DDAH1: variants seen among roughly 807,000 people sequenced by gnomAD.
DDAH1 encodes dimethylarginine dimethylaminohydrolase 1, also known as N(G),N(G)-dimethylarginine dimethylaminohydrolase 1.
Under a neutral mutation model 28.8 loss-of-function variants are expected in DDAH1, and 19 were observed. The observed-to-expected ratio is 0.66, with a 90% CI of 0.46 to 0.97. The LOEUF (loss-of-function observed/expected upper bound fraction) is 0.97. Among genes scored for constraint, DDAH1 ranks in the 50% least tolerant of loss-of-function variants. The probability of loss-of-function intolerance (pLI) is 0.00; values close to 1 mark genes in which losing one functional copy is unlikely to be tolerated. For synonymous variants in DDAH1, 153 were observed against 154.4 expected, an observed-to-expected ratio of 0.99 and a Z score of 0.07; for missense variants, 326 against 375.9, an observed-to-expected ratio of 0.87 and a Z score of 1.10.
intron 1 of DDAH1, among the ~76,000 whole-genome samples, chr1:85,361,950 A>G (rs1649816601): frequency 6.6e-6 from 1 of 152,234 alleles, no homozygotes; most frequent in Admixed American, 6.5e-5. Flanking sequence ...CTGAATAAAT[A>G]TTGTATTTTT....
intron 1 of DDAH1, among the ~76,000 whole-genome samples, chr1:85,417,604 A>G (rs1304114244): frequency 1.3e-5 from 2 of 152,234 alleles, no homozygotes; most frequent in African/African-American, 4.8e-5. Flanking sequence ...CTATCTCCTT[A>G]TAGGGAAATC....
chr1:85,351,513 G>A lies in DDAH1; in HGVS notation c.470C>T (p.Thr157Ile). Reference protein sequence around the residue: ...NQRGAEILADTFKDYAVSTVP... With the variant: ...NQRGAEILADIFKDYAVSTVP... ...AAACTACCTTTTACCTACCTTAAAA[G>A]TATCAGCCAAGATTTCAGCACCTCG... is the stretch of plus-strand genomic sequence containing the variant. Residue 157 changes from threonine (T) to isoleucine (I), a missense_variant, in exon 3 of 6, where the codon ACT becomes ATT. Transcript: ENST00000284031. 1 of 1,613,930 alleles carries A rather than the reference G, an allele frequency of 6.2e-7. No homozygotes were observed. The highest frequency in any genetic ancestry group is 2.2e-5 in the East Asian group (1 of 44,876).
chr1:85,566,519 AAAT>A (rs1659309163), intron 1 of DDAH1, among the ~76,000 whole-genome samples: 1 of 151,924 alleles, frequency 6.6e-6, no homozygotes, highest in Non-Finnish European at 1.5e-5. Flanking sequence ...AAAGAAAGAA[AAAT>A]AAAGTAGTAG....
intron 1 of DDAH1, among the ~76,000 whole-genome samples, chr1:85,386,360 G>A (rs1322224452): frequency 1.3e-5 from 2 of 152,188 alleles, no homozygotes; most frequent in Admixed American, 6.5e-5. Context: ...TTAACAGTCC[G>A]ATTCCAAAAG....
At chr1:85,408,738 T>A (rs1652519194) in intron 1 of DDAH1, among the ~76,000 whole-genome samples, 1 of 152,038 alleles carries the variant, frequency 6.6e-6, no homozygotes, top group Admixed American at 6.5e-5. Context: ...TTTAGCCTAT[T>A]TTTTTTAACT....
chr1:85,482,633 A>G (rs1488645452), intron 2 of DDAH1: 5 of 152,224 alleles, frequency 3.3e-5, no homozygotes, highest in African/African-American at 1.2e-4. Flanking sequence ...GTGCATGCTT[A>G]ACAGACATTG....
chr1:85,499,788 T>A (rs1278926182), intron 1 of DDAH1, among the ~76,000 whole-genome samples: 1 of 152,206 alleles, frequency 6.6e-6, no homozygotes, highest in East Asian at 1.9e-4. Context: ...ATTCCCAGAC[T>A]ATTGCAATGT....
intron 1 of DDAH1, among the ~76,000 whole-genome samples, chr1:85,552,297 A>C (rs1658818271): frequency 6.6e-6 from 1 of 152,136 alleles, no homozygotes; most frequent in Non-Finnish European, 1.5e-5. Context: ...TGCATCTTCC[A>C]CACTGCTATC....
intron 1 of DDAH1, among the ~76,000 whole-genome samples, chr1:85,371,616 A>G (rs1051896023): frequency 3.3e-5 from 5 of 152,214 alleles, no homozygotes; most frequent in Non-Finnish European, 7.3e-5. Flanking sequence ...AAGCAAATCA[A>G]TAGTGTAGGC....
At chr1:85,505,513 C>A (rs1261779463) in intron 1 of DDAH1, among the ~76,000 whole-genome samples, 3 of 152,088 alleles carry the variant, frequency 2.0e-5, no homozygotes, top group Admixed American at 6.5e-5. Context: ...CAGGTGCATA[C>A]AGTACTGATA....
chr1:85,453,173 T>C (rs1178746549), intron 1 of DDAH1, among the ~76,000 whole-genome samples: 2 of 152,192 alleles, frequency 1.3e-5, no homozygotes, highest in African/African-American at 4.8e-5. Context: ...GGCATTTACT[T>C]TCAAGAAAAT....
At chr1:85,540,577 CAT>C (rs1194088991) in intron 1 of DDAH1, among the ~76,000 whole-genome samples, 2 of 152,170 alleles carry the variant, frequency 1.3e-5, no homozygotes, top group Non-Finnish European at 1.5e-5. Context: ...ATAATTCACA[CAT>C]CTTTGTACAA....
intron 1 of DDAH1, among the ~76,000 whole-genome samples, chr1:85,503,975 C>T (rs1656918666): frequency 6.6e-6 from 1 of 152,112 alleles, no homozygotes; most frequent in African/African-American, 2.4e-5. Context: ...GTAGGGCTTA[C>T]AAGTCCACAG....
chr1:85,578,138 G>T, exon 1 of DDAH1: 1 of 286,570 alleles, frequency 3.5e-6, no homozygotes, highest in Non-Finnish European at 5.2e-6. Context: ...TAATGTCGTC[G>T]ATTACTAGCA....
intron 1 of DDAH1, among the ~76,000 whole-genome samples, chr1:85,440,670 TAA>T: frequency 6.6e-6 from 1 of 152,304 alleles, no homozygotes; most frequent in Non-Finnish European, 1.5e-5. Flanking sequence ...CTTCCTTAGA[TAA>T]AAGTCAGTTT....
chr1:85,525,942 T>G (rs1239498882), intron 1 of DDAH1, among the ~76,000 whole-genome samples: 1 of 152,236 alleles, frequency 6.6e-6, no homozygotes, highest in Non-Finnish European at 1.5e-5. Flanking sequence ...TATCTCTGCT[T>G]CATTTCCTAC....
chr1:85,356,974 T>C (rs924264949), intron 2 of DDAH1, among the ~76,000 whole-genome samples: 7 of 152,226 alleles, frequency 4.6e-5, no homozygotes, highest in African/African-American at 1.7e-4. Flanking sequence ...CTGCTTACAA[T>C]AAGTTATTCA....
chr1:85,543,640 T>C (rs1239788249), intron 1 of DDAH1, among the ~76,000 whole-genome samples: 1 of 152,222 alleles, frequency 6.6e-6, no homozygotes, highest in East Asian at 1.9e-4. Context: ...ATGGCAGGCA[T>C]AGCTATTCTG....
At chr1:85,404,486 A>C in intron 1 of DDAH1, 3 of 1,520,408 alleles carry the variant, frequency 2.0e-6, no homozygotes, top group South Asian at 2.5e-5. Flanking sequence ...TGTGTTACTG[A>C]AGAACAGTCT....
Sources: allele counts gnomAD v4.1 joint callset (sites outside exome capture counted in the v4.1 genomes callset), GRCh38; gene constraint gnomAD v4.1.1; transcripts MANE v1.5; gene names NCBI Gene and HGNC (gene_info 2026-07-23, HGNC 2026-07-21).